Variants in ARHGEF2 observed in about 807,000 individuals in gnomAD.
The protein encoded by ARHGEF2 is rho guanine nucleotide exchange factor 2.
A neutral mutation model predicts 121.0 loss-of-function variants in ARHGEF2; 22 were observed. The ratio of observed to expected loss-of-function variants is 0.18; its 90% confidence interval spans 0.13 to 0.26. ARHGEF2 has a LOEUF of 0.26. Ranked by LOEUF, ARHGEF2 falls within the 10% of genes least tolerant of loss-of-function variation. The pLI is 1.00. For missense variants in ARHGEF2, 907 were observed against 1,336.0 expected (o/e 0.68, Z 5.01); for synonymous variants, 487 against 530.0 (o/e 0.92, Z 1.11).
rs373860349 is a variant in ARHGEF2, at chr1:155,966,408, C to T, written c.340+8G>A. On this transcript the variant is annotated splice_region_variant and intron_variant, in intron 4 of 21. Transcript: ENST00000361247. ...TTAGGGGACCTCCTCCACTCCCCAA[C>T]TACTCACTCTTACTTCGAAGAGAAA... The T allele has an allele frequency of 5.6e-6, 9 of 1,614,064 alleles. No homozygotes were observed. The highest frequency in any genetic ancestry group is 7.6e-6 in the Non-Finnish European group (9 of 1,179,936).
chr1:155,968,332 T>A (rs748968572), intron 2 of ARHGEF2: 2 of 151,930 alleles, frequency 1.3e-5, no homozygotes, highest in Non-Finnish European at 2.9e-5. Context: ...CTTCCCCAAG[T>A]TTCATAGGGA....
Position 155,965,590 on chromosome 1 carries a change from C to T in ARHGEF2, c.470+41G>A. Reference sequence around the variant, plus strand: ...CTCAGCACCCCCTTGGCCTCCACTGCCACACTCTCTGGCTGCCCCTTTCCC... The same window carrying T: ...CTCAGCACCCCCTTGGCCTCCACTGTCACACTCTCTGGCTGCCCCTTTCCC... On this transcript the variant is annotated intron_variant, in intron 5 of 21. Transcript: ENST00000361247. The surrounding 1 kb of genome is among the most constrained non-coding windows in gnomAD (Gnocchi z 6.0). The T allele has an allele frequency of 6.2e-7, 1 of 1,611,884 alleles. No individual in the cohort carries two copies. The highest frequency in any genetic ancestry group is 8.5e-7 in the Non-Finnish European group (1 of 1,179,742).
Position 155,951,138 on chromosome 1 carries a change from T to C in ARHGEF2, c.2394A>G (p.Glu798=). ...GTAATGCCAGTTCCGTGGCCTGCTTTTCAGGGGCCACAGGGGCAGCCCCAG... is the reference window on the plus strand; with the variant it reads ...GTAATGCCAGTTCCGTGGCCTGCTTCTCAGGGGCCACAGGGGCAGCCCCAG... ...GRAGAAPVAP[E]KQATELALLQ... Residue 798 remains glutamate (E), a synonymous_variant, in exon 20 of 22, where the codon GAA becomes GAG. Transcript: ENST00000361247. This position sits in a 1 kb window ranked among gnomAD's most constrained non-coding sequence, Gnocchi z 5.1. 6.2e-7 allele frequency: 1 copy of C among 1,605,336 alleles called. No homozygotes were observed. Among genetic ancestry groups the C allele is most frequent in the South Asian group, 1.1e-5 (1 of 90,104 alleles).
rs1413365834 is a variant in ARHGEF2 at position 155,955,088 on chromosome 1, C to T, written c.1716-119G>A. 6.7e-6 allele frequency: 5 copies of T among 751,810 alleles called. No individual in the cohort carries two copies. The African/African-American group carries it at 8.8e-5, about 13-fold the overall frequency. 46.6% of individuals were successfully genotyped at this position (751,810 alleles called of 1,614,324 possible). On this transcript the variant is annotated intron_variant, in intron 13 of 21. Coordinates refer to ENST00000361247, the MANE Select transcript of ARHGEF2 (RefSeq NM_001162383.2). ...TCCATCTTCTGATAAGACTCCTCAG[C>T]CTCACACCCTAGCTTTAATTTAGTC...
In ARHGEF2 at chr1:155,952,731, A is replaced by T. The variant is rs764429108; in HGVS notation, c.1881T>A (p.Gly627=). ...GGGTGGGCAGGGCCATCCCACTGCCACCATCCTCTTCGGCCTGGAAATGGG... is the reference window on the plus strand; with the variant it reads ...GGGTGGGCAGGGCCATCCCACTGCCTCCATCCTCTTCGGCCTGGAAATGGG... ...EMTHFQAEED[G]GSGMALPTLP... is the part of the protein sequence containing the mutation. The change falls in exon 15 of 22, where the codon GGT becomes GGA. Residue 627 remains glycine, a synonymous_variant. Coordinates refer to ENST00000361247, the MANE Select transcript of ARHGEF2 (RefSeq NM_001162383.2). 4.5e-5 allele frequency: 73 copies of T among 1,614,004 alleles called. No individual in the cohort carries two copies. The highest frequency in any genetic ancestry group is 6.2e-5 in the Non-Finnish European group (73 of 1,180,028).
chr1:155,976,982 C>T (rs1233686973), intron 1 of ARHGEF2, among the ~76,000 whole-genome samples: 1 of 152,152 alleles, frequency 6.6e-6, no homozygotes, highest in African/African-American at 2.4e-5. Context: ...CCACCCCCAA[C>T]CCAGGATGGA....
chr1:155,966,392 C>A, intron 4 of ARHGEF2, 24 bp downstream of exon 4: 1 of 1,613,092 alleles, frequency 6.2e-7, no homozygotes, highest in East Asian at 2.2e-5. Context: ...CTTAGGGGAC[C>A]TCCTCCACTC....
chr1:155,964,130 G>A (rs1320764625), intron 7 of ARHGEF2, among the ~76,000 whole-genome samples: 2 of 122,926 alleles, frequency 1.6e-5, no homozygotes, highest in African/African-American at 7.0e-5. Flanking sequence ...GGGCGACAGA[G>A]CAAGACTCTG....
rs759713176 is a variant in ARHGEF2 at position 155,947,999 on chromosome 1, C to T, written c.2904G>A (p.Gln968=). Residue 968 remains glutamine (Q), a synonymous_variant, in exon 22 of 22, where the codon CAG becomes CAA. Coordinates refer to ENST00000361247, the MANE Select transcript of ARHGEF2 (RefSeq NM_001162383.2). ...PHSPRDFTRM[Q]DIPEETESRD... is the part of the protein sequence containing the mutation. ...GGCTCTCCGTCTCCTCCGGGATGTC[C>T]TGCATTCTGGTAAAGTCTGAAGGGG... 3 of 1,551,264 alleles carry T rather than the reference C, an allele frequency of 1.9e-6. No homozygotes were observed. The Admixed American group carries it at 5.9e-5, about 30-fold the overall frequency.
chr1:155,951,376 A>G lies in ARHGEF2; in HGVS notation c.2260-104T>C. The G allele has an allele frequency of 6.3e-7, 1 of 1,580,912 alleles. No individual in the cohort carries two copies. The highest frequency in any genetic ancestry group is 8.7e-7 in the Non-Finnish European group (1 of 1,154,240). On this transcript the variant is annotated intron_variant, in intron 19 of 21. Coordinates refer to ENST00000361247, the MANE Select transcript of ARHGEF2 (RefSeq NM_001162383.2). This position sits in a 1 kb window ranked among gnomAD's most constrained non-coding sequence, Gnocchi z 5.1. ...AGATCATCGCTCCTGGAGAGCTTGG[A>G]TTGGGAGGGTATTTAGAAAGGCCTG...
intron 7 of ARHGEF2, among the ~76,000 whole-genome samples, 172 bp from the exon 8 acceptor site, chr1:155,963,355 T>G (rs1678373156): frequency 6.7e-6 from 1 of 148,720 alleles, no homozygotes; most frequent in African/African-American, 2.5e-5. Context: ...TTTTTTTTTT[T>G]TTTTTTTTGA....
At position 155,961,749 on chromosome 1, in the gene ARHGEF2, C is replaced by A; in HGVS notation, c.1380G>T (p.Lys460Asn). The A allele has an allele frequency of 2.5e-6, 4 of 1,614,204 alleles. No individual in the cohort carries two copies. In the South Asian group the frequency reaches 4.4e-5, roughly 18 times the overall value. Residue 460 changes from lysine (K) to asparagine (N), a missense_variant, in exon 11 of 22, where the codon AAG becomes AAT. Around this residue, in one of 2 missense-constraint regions of ARHGEF2, gnomAD observed 475 missense variants for 776.5 expected, o/e 0.61. Coordinates refer to ENST00000361247, the MANE Select transcript of ARHGEF2 (RefSeq NM_001162383.2). The surrounding 1 kb of genome is among the most constrained non-coding windows in gnomAD (Gnocchi z 4.7). ...GAAGTTCCTCTCGGCCAAAGGGGCC[C>A]TTGCCAGGCACTGGGGTTTGGGCCC... ...DPRAQTPVPG[K>N]GPFGREELLR...
chr1:155,970,461 C>T lies in ARHGEF2; in HGVS notation c.64-1161G>A, dbSNP rs796784252. On this transcript the variant is annotated intron_variant, in intron 1 of 21. Coordinates refer to ENST00000361247, the MANE Select transcript of ARHGEF2 (RefSeq NM_001162383.2). Reference sequence around the variant, plus strand: ...GACTCTGATCTCTGGATTTTCCCTCCGCTCTTGGAGCAGGACTAGAAGCTG... The same window carrying T: ...GACTCTGATCTCTGGATTTTCCCTCTGCTCTTGGAGCAGGACTAGAAGCTG... 2.8e-5 allele frequency: 28 copies of T among 985,426 alleles called. No individual in the cohort carries two copies. The African/African-American group carries it at 3.1e-4, about 11-fold the overall frequency. The allele number at this position is 985,426 out of a possible 1,614,324, so 61.0% of individuals were successfully genotyped here.
At position 155,951,953 on chromosome 1, in the gene ARHGEF2, T is replaced by G; in HGVS notation, c.2138A>C (p.Glu713Ala). 6.2e-7 allele frequency: 1 copy of G among 1,614,034 alleles called. No individual in the cohort carries two copies. Among genetic ancestry groups the G allele is most frequent in the Non-Finnish European group, 8.5e-7 (1 of 1,179,996 alleles). Residue 713 changes from glutamate to alanine, a missense_variant, in exon 17 of 22, where the codon GAA becomes GCA. By Grantham distance (107) the Glu-to-Ala change is moderately radical. Around this residue, in one of 2 missense-constraint regions of ARHGEF2, gnomAD observed 432 missense variants for 559.5 expected, o/e 0.77. Coordinates refer to ENST00000361247, the MANE Select transcript of ARHGEF2 (RefSeq NM_001162383.2). The surrounding 1 kb of genome is among the most constrained non-coding windows in gnomAD (Gnocchi z 5.1). ...GEARTFNGSIELCRADSDSSQ... is the reference protein window; with the variant it reads ...GEARTFNGSIALCRADSDSSQ... The stretch of plus-strand genomic sequence containing the variant: ...AGAGTCTGAGTCAGCTCTGCAGAGT[T>G]CAATGGAGCCATTGAAGGTTCTGGC...
At chr1:155,976,062 T>C (rs1681243433) in intron 1 of ARHGEF2, among the ~76,000 whole-genome samples, 1 of 151,510 alleles carries the variant, frequency 6.6e-6, no homozygotes, top group African/African-American at 2.4e-5. Flanking sequence ...AGGTTAAACT[T>C]ACATTCCTCC....
chr1:155,967,020 C>G, intron 2 of ARHGEF2, 133 bp from the exon 3 acceptor site: 1 of 760,164 alleles, frequency 1.3e-6, no homozygotes, highest in African/African-American at 1.7e-5. Context: ...ACTTCTGGGC[C>G]ATTACCACAC....
Position 155,970,705 on chromosome 1 carries a change from G to A in ARHGEF2, c.64-1405C>T, listed in dbSNP as rs2102684995. The stretch of plus-strand genomic sequence containing the variant: ...TGAGAGGTGGAGGAGGGGAAGAGAT[G>A]CACGGGCCTGGTGCTTGGGGCAGAA... On this transcript the variant is annotated intron_variant, in intron 1 of 21. Coordinates refer to ENST00000361247, the MANE Select transcript of ARHGEF2 (RefSeq NM_001162383.2). 3.0e-6 allele frequency: 3 copies of A among 986,188 alleles called. No individual in the cohort carries two copies. In the East Asian group the frequency reaches 3.4e-4, roughly 112 times the overall value. 61.1% of individuals were successfully genotyped at this position (986,188 alleles called of 1,614,324 possible).
intron 7 of ARHGEF2, 139 bp from the exon 8 acceptor site, chr1:155,963,322 A>T: frequency 1.5e-6 from 1 of 685,708 alleles, no homozygotes; most frequent in Non-Finnish European, 2.3e-6. Context: ...ATGATCTTAG[A>T]TACTTTTCTA....
intron 1 of ARHGEF2, among the ~76,000 whole-genome samples, chr1:155,973,361 T>A (rs1277648985): frequency 6.6e-6 from 1 of 152,162 alleles, no homozygotes; most frequent in Non-Finnish European, 1.5e-5. Flanking sequence ...TCCTTTGAGT[T>A]TAGACCCTGA....
Sources: allele counts gnomAD v4.1 joint callset (sites outside exome capture counted in the v4.1 genomes callset), GRCh38; gene constraint gnomAD v4.1.1; regional missense constraint gnomAD v4.1.1; non-coding constraint Gnocchi (gnomAD v3.1); transcripts MANE v1.5; gene names NCBI Gene and HGNC (gene_info 2026-07-23, HGNC 2026-07-21).